CHIC2: variants seen among roughly 807,000 people sequenced by gnomAD.
CHIC2 encodes cysteine rich hydrophobic domain 2, also known as cysteine-rich hydrophobic domain-containing protein 2.
A neutral mutation model predicts 25.9 loss-of-function variants in CHIC2; 14 were observed. The ratio of observed to expected loss-of-function variants is 0.54; its 90% CI spans 0.36 to 0.85. The LOEUF (loss-of-function observed/expected upper bound fraction) is 0.85, where lower values mean the gene tolerates loss of function less well. Among genes scored for constraint, CHIC2 ranks in the 40% least tolerant of loss-of-function variants. The probability of loss-of-function intolerance (pLI) is 0.01; values close to 1 mark genes in which losing one functional copy is unlikely to be tolerated. For synonymous variants in CHIC2, 70 were observed against 72.0 expected (o/e 0.97, Z 0.14); for missense variants, 146 against 202.0 (o/e 0.72, Z 1.68).
At chr4:54,032,527 C>T (rs1310898389) in intron 3 of CHIC2, among the ~76,000 whole-genome samples, 2 of 152,134 alleles carry the variant, frequency 1.3e-5, no homozygotes, top group African/African-American at 4.8e-5. Context: ...CTCGGCCTCC[C>T]GAGGTGCCGG....
At chr4:54,082,650 C>T in the CHIC2 span, among the ~76,000 whole-genome samples, 1 of 151,540 alleles carries the variant, frequency 6.6e-6, no homozygotes, top group Non-Finnish European at 1.5e-5. Flanking sequence ...GTTTCTAAAT[C>T]CAATCCCATA....
chr4:54,076,337 A>G, the CHIC2 span, among the ~76,000 whole-genome samples: 83 of 152,290 alleles, frequency 5.5e-4, no homozygotes, highest in African/African-American at 1.9e-3. Context: ...TGACTTACTC[A>G]GCTCAGATGG....
chr4:54,078,599 T>C, the CHIC2 span, among the ~76,000 whole-genome samples: 1 of 152,080 alleles, frequency 6.6e-6, no homozygotes, highest in African/African-American at 2.4e-5. Context: ...TACTGCAACC[T>C]CCGCCTCCTG....
chr4:54,076,750 C>T, the CHIC2 span: 1 of 152,118 alleles, frequency 6.6e-6, no homozygotes, highest in Non-Finnish European at 1.5e-5. Context: ...CATTGCTGAA[C>T]CAAGAAAGCA....
intron 3 of CHIC2, among the ~76,000 whole-genome samples, chr4:54,044,298 G>A (rs919380247): frequency 2.0e-5 from 3 of 152,186 alleles, no homozygotes; most frequent in African/African-American, 7.2e-5. Context: ...GCACCAAGCA[G>A]ACCTAATAGA....
intron 5 of CHIC2, among the ~76,000 whole-genome samples, chr4:54,010,414 G>T (rs769710857): frequency 6.6e-6 from 1 of 152,058 alleles, no homozygotes; most frequent in African/African-American, 2.4e-5. Context: ...AGTCTGAGAA[G>T]GGTGATATAG....
intron 3 of CHIC2, among the ~76,000 whole-genome samples, chr4:54,029,195 A>G (rs539332343): frequency 2.0e-4 from 31 of 152,238 alleles, no homozygotes; most frequent in African/African-American, 7.5e-4. Flanking sequence ...TAAAAGAAAG[A>G]TGTTTCTGAT....
intron 1 of CHIC2, among the ~76,000 whole-genome samples, chr4:54,055,100 A>C (rs1717132811): frequency 1.3e-5 from 2 of 152,146 alleles, no homozygotes; most frequent in African/African-American, 4.8e-5. Context: ...GAGGAGAGGC[A>C]AAGGTGGAAA....
At chr4:54,039,564 A>G (rs1301093839) in intron 3 of CHIC2, among the ~76,000 whole-genome samples, 1 of 152,212 alleles carries the variant, frequency 6.6e-6, no homozygotes, top group East Asian at 1.9e-4. Flanking sequence ...AACTAACCAT[A>G]TCAAGTCCTG....
intron 3 of CHIC2, among the ~76,000 whole-genome samples, chr4:54,041,958 T>C (rs1455479329): frequency 6.0e-5 from 9 of 150,590 alleles, no homozygotes; most frequent in Admixed American, 5.3e-4. Context: ...TGTATACCTA[T>C]GTAACAAACC....
intron 3 of CHIC2, among the ~76,000 whole-genome samples, chr4:54,028,304 T>C (rs1049917245): frequency 1.3e-5 from 2 of 152,148 alleles, no homozygotes; most frequent in Non-Finnish European, 2.9e-5. Context: ...AGTCAAATTT[T>C]AATAATAAAA....
intron 1 of CHIC2, among the ~76,000 whole-genome samples, chr4:54,056,281 C>A (rs981079453): frequency 2.0e-5 from 3 of 152,022 alleles, no homozygotes; most frequent in African/African-American, 7.2e-5. Flanking sequence ...AACTTAACAA[C>A]TTTTAAATTT....
At position 54,053,633 on chromosome 4, in the gene CHIC2, T is replaced by C. The variant is rs75452685; in HGVS notation, c.120-4328A>G. Among the ~76,000 whole-genome samples, 20 of 148,316 alleles carry C rather than the reference T, an allele frequency of 1.3e-4. No individual in the cohort carries two copies. The East Asian group carries it at 3.6e-3, about 26-fold the overall frequency. The stretch of plus-strand genomic sequence containing the variant: ...CTTCCAGAAATGTATCAAGAGAAAA[T>C]AGCTGCAGTGGCACAGATATGTTAA... On this transcript the variant is annotated intron_variant, in intron 1 of 5. Transcript: ENST00000263921.
chr4:54,047,007 T>G (rs1716848560), intron 3 of CHIC2, among the ~76,000 whole-genome samples: 1 of 152,168 alleles, frequency 6.6e-6, no homozygotes, highest in South Asian at 2.1e-4. Flanking sequence ...CAGACACTTC[T>G]CAAAAGAAGA....
intron 3 of CHIC2, among the ~76,000 whole-genome samples, chr4:54,028,022 A>ACCTGCTTTACAGTTTCTTT (rs1436856474): frequency 2.0e-5 from 3 of 152,182 alleles, no homozygotes; most frequent in Non-Finnish European, 4.4e-5. Context: ...TACCCACTTT[A>ACCTGCTTTACAGTTTCTTT]CCTGCTTTAC....
At position 54,064,207 on chromosome 4, in the gene CHIC2, C is replaced by A; in HGVS notation, c.94G>T (p.Val32Phe). Reference sequence around the variant, plus strand: ...ACGGTGACGTGACCGGAGCCGCGGACGACCACCGGGTCCGGCGAGTACTTG... The same window carrying A: ...ACGGTGACGTGACCGGAGCCGCGGAAGACCACCGGGTCCGGCGAGTACTTG... ...LLKYSPDPVV[V>F]RGSGHVTVFG... Residue 32 changes from valine to phenylalanine, a missense_variant, in exon 1 of 6, where the codon GTC (valine) becomes TTC (phenylalanine). Coordinates refer to ENST00000263921, the MANE Select transcript of CHIC2 (RefSeq NM_012110.4). This position sits in a 1 kb window ranked among gnomAD's most constrained non-coding sequence, Gnocchi z 4.2. 2 of 1,605,624 alleles carry A rather than the reference C, an allele frequency of 1.2e-6. No homozygotes were observed. The highest frequency in any genetic ancestry group is 8.5e-7 in the Non-Finnish European group (1 of 1,176,278).
chr4:54,070,892 T>C, the CHIC2 span, among the ~76,000 whole-genome samples: 1 of 152,206 alleles, frequency 6.6e-6, no homozygotes, highest in Non-Finnish European at 1.5e-5. Flanking sequence ...TAGGTTAAGC[T>C]GACCATATCT....
chr4:54,055,041 T>C (rs1364948746), intron 1 of CHIC2, among the ~76,000 whole-genome samples: 1 of 152,126 alleles, frequency 6.6e-6, no homozygotes, highest in Admixed American at 6.5e-5. Context: ...TGAACTGACT[T>C]ATGTTTTAAA....
At chr4:54,081,644 A>G in the CHIC2 span, among the ~76,000 whole-genome samples, 1 of 152,184 alleles carries the variant, frequency 6.6e-6, no homozygotes, top group African/African-American at 2.4e-5. Flanking sequence ...TGGGGAGATA[A>G]AACTTTAATT....
Sources: allele counts gnomAD v4.1 joint callset (sites outside exome capture counted in the v4.1 genomes callset), GRCh38; gene constraint gnomAD v4.1.1; non-coding constraint Gnocchi (gnomAD v3.1); transcripts MANE v1.5; gene names NCBI Gene and HGNC (gene_info 2026-07-23, HGNC 2026-07-21).